Variants in KIF11 observed in about 807,000 individuals in gnomAD.
KIF11 encodes the protein kinesin-like protein KIF11.
A neutral mutation model predicts 121.0 loss-of-function variants in KIF11; 9 were observed. That is an observed-to-expected ratio of 0.07 (90% CI 0.04 to 0.13). KIF11 has a LOEUF of 0.13. Ranked by LOEUF, KIF11 falls within the 10% of genes least tolerant of loss-of-function variation. The pLI is 1.00. For synonymous variants in KIF11, 408 were observed against 421.0 expected (o/e 0.97, Z 0.38); for missense variants, 846 against 1,217.5 (o/e 0.69, Z 4.54).
In KIF11 at chr10:92,645,950, CTT is replaced by C. The variant is rs33915127; in HGVS notation, c.2547+326_2547+327del. 0.11 allele frequency among the ~76,000 whole-genome samples: 10,820 copies of C among 101,850 alleles called. 356 individuals carry two copies. Among genetic ancestry groups the C allele is most frequent in the South Asian group, 0.18 (545 of 2,962 alleles). The allele number at this position is 101,850 out of a possible 152,430, so 66.8% of individuals were successfully genotyped here. ...ATGTAATACCTTCCACTTATATATG[CTT>C]TTTTTTTTTTTTTTTTTGAGATGGA... On this transcript the variant is annotated intron_variant, in intron 18 of 21. Coordinates refer to ENST00000260731, the MANE Select transcript of KIF11 (RefSeq NM_004523.4).
intron 4 of KIF11, among the ~76,000 whole-genome samples, chr10:92,608,065 TCAAAAAAAAA>T (rs1041520113): frequency 2.4e-4 from 32 of 132,824 alleles, no homozygotes; most frequent in Non-Finnish European, 4.4e-4. Flanking sequence ...AGACTCTGTC[TCAAAAAAAAA>T]CAAAAAAACA....
At chr10:92,643,975 T>C (rs1450085738) in intron 17 of KIF11, among the ~76,000 whole-genome samples, 1 of 152,188 alleles carries the variant, frequency 6.6e-6, no homozygotes, top group Non-Finnish European at 1.5e-5. Flanking sequence ...TCTTCCTATA[T>C]GCTGAATCAA....
chr10:92,630,300 A>C lies in KIF11; in HGVS notation c.1430A>C (p.Lys477Thr). The change falls in exon 12 of 22, where the codon AAA becomes ACA. Residue 477 changes from lysine to threonine, a missense_variant. Lys to Thr is a moderately conservative substitution (Grantham distance 78, BLOSUM62 -1). Around this residue, in one of 5 missense-constraint regions of KIF11, gnomAD observed 95 missense variants for 109.3 expected, o/e 0.87. Transcript: ENST00000260731. ...HLQETKLQLV[K>T]EEYITSALES... ...CAAGAAACTAAATTACAACTTGTTAAAGAAGAATATATCACATCAGCTTTG... is the reference window on the plus strand; with the variant it reads ...CAAGAAACTAAATTACAACTTGTTACAGAAGAATATATCACATCAGCTTTG... 1 of 1,608,752 alleles carries C rather than the reference A, an allele frequency of 6.2e-7. No individual in the cohort carries two copies. Among genetic ancestry groups the C allele is most frequent in the Non-Finnish European group, 8.5e-7 (1 of 1,178,150 alleles).
At chr10:92,620,681 C>T (rs1844607222) in intron 9 of KIF11, among the ~76,000 whole-genome samples, 1 of 152,186 alleles carries the variant, frequency 6.6e-6, no homozygotes, top group African/African-American at 2.4e-5. Context: ...GGGGAGGCCT[C>T]ATAATCATGG....
chr10:92,621,605 T>C, intron 10 of KIF11, 132 bp downstream of exon 10: 2 of 586,262 alleles, frequency 3.4e-6, no homozygotes, highest in Middle Eastern at 6.9e-4. Flanking sequence ...TTTGTGTGTG[T>C]GTGTGTTTTC....
chr10:92,622,354 C>T (rs1844627974), intron 10 of KIF11, among the ~76,000 whole-genome samples: 1 of 152,140 alleles, frequency 6.6e-6, no homozygotes, highest in Admixed American at 6.5e-5. Flanking sequence ...GTGGCTCACG[C>T]CTGTAATCCC....
chr10:92,637,738 T>G (rs777160995), intron 16 of KIF11, among the ~76,000 whole-genome samples, 193 bp downstream of exon 16: 17 of 152,238 alleles, frequency 1.1e-4, no homozygotes, highest in Non-Finnish European at 1.9e-4. Flanking sequence ...TTTGAAGTTT[T>G]GCTACATCTA....
chr10:92,638,750 A>G (rs1844834697), intron 16 of KIF11, among the ~76,000 whole-genome samples: 1 of 152,254 alleles, frequency 6.6e-6, no homozygotes, highest in Non-Finnish European at 1.5e-5. Flanking sequence ...TAATACCTGC[A>G]TTAGCATTCA....
chr10:92,614,021 T>TACACACACACACACAC (rs71028831), intron 8 of KIF11, among the ~76,000 whole-genome samples: 6 of 127,056 alleles, frequency 4.7e-5, no homozygotes, highest in African/African-American at 1.6e-4. Context: ...AGTATGTGTA[T>TACACACACACACACAC]ACACACACAC....
Position 92,637,515 on chromosome 10 carries a change from C to A in KIF11, c.2130C>A (p.Asp710Glu), listed in dbSNP as rs778513629. ...SQKQCGNLTE[D>E]LKTIKQTHSQ... ...AGCAATGTGGAAACCTAACTGAAGA[C>A]CTGAAGACAATAAAGCAGACCCATT... The change falls in exon 16 of 22, where the codon GAC (aspartate) becomes GAA (glutamate). Residue 710 changes from aspartate (D) to glutamate (E), a missense_variant. Around this residue, in one of 5 missense-constraint regions of KIF11, gnomAD observed 492 missense variants for 603.4 expected, o/e 0.82. Coordinates refer to ENST00000260731, the MANE Select transcript of KIF11 (RefSeq NM_004523.4). The A allele has an allele frequency of 1.2e-6, 2 of 1,604,378 alleles. No homozygotes were observed. The highest frequency in any genetic ancestry group is 1.7e-4 in the Middle Eastern group (1 of 6,052).
intron 1 of KIF11, among the ~76,000 whole-genome samples, chr10:92,597,641 T>A: frequency 7.8e-6 from 1 of 128,444 alleles, no homozygotes; most frequent in East Asian, 2.2e-4. Context: ...CCCTTGGGTT[T>A]GTTTGTTTGT....
At position 92,621,369 on chromosome 10, in the gene KIF11, C is replaced by T; in HGVS notation, c.1129-16C>T. 1.3e-6 allele frequency: 2 copies of T among 1,525,818 alleles called. No homozygotes were observed. The highest frequency in any genetic ancestry group is 1.8e-6 in the Non-Finnish European group (2 of 1,105,086). The allele number at this position is 1,525,818 out of a possible 1,614,324, so 94.5% of individuals were successfully genotyped here. On this transcript the variant is annotated splice_polypyrimidine_tract_variant and intron_variant, in intron 9 of 21. Transcript: ENST00000260731. ...AAAAGTACTAAACTGACACCTACAA[C>T]ATTCCTCTTGTGTAGGAGTATACGG...
intron 11 of KIF11, 57 bp from the exon 12 acceptor site, chr10:92,630,119 T>G (rs549342868): frequency 1.1e-6 from 1 of 876,592 alleles, no homozygotes; most frequent in Admixed American, 3.5e-5. Flanking sequence ...TCTAATCTTA[T>G]GAACTAGCTA....
At position 92,633,631 on chromosome 10, in the gene KIF11, C is replaced by T. The variant is rs960937852; in HGVS notation, c.1711C>T (p.Leu571=). ...EVHKTLFGNL[L]SSSVSALDTI... is the part of the protein sequence containing the mutation. ...GTTTTTGTTTGTTATAGGTAATCTG[C>T]TGTCTTCCAGTGTCTCTGCATTAGA... The change falls in exon 14 of 22, where the codon CTG becomes TTG. Residue 571 remains leucine, a synonymous_variant. Coordinates refer to ENST00000260731, the MANE Select transcript of KIF11 (RefSeq NM_004523.4). The T allele has an allele frequency of 3.1e-6, 5 of 1,600,998 alleles. No individual in the cohort carries two copies. The African/African-American group carries it at 6.7e-5, about 21-fold the overall frequency.
At chr10:92,634,933 T>C (rs1844781414) in intron 14 of KIF11, among the ~76,000 whole-genome samples, 1 of 152,248 alleles carries the variant, frequency 6.6e-6, no homozygotes, top group Non-Finnish European at 1.5e-5. Flanking sequence ...TTCTTAGGGT[T>C]AGATCTGTGT....
intron 16 of KIF11, among the ~76,000 whole-genome samples, chr10:92,639,053 A>C (rs753029727): frequency 6.6e-6 from 1 of 152,212 alleles, no homozygotes; most frequent in Non-Finnish European, 1.5e-5. Flanking sequence ...TGATCCAACT[A>C]GGTTCTGTAA....
Position 92,645,346 on chromosome 10 carries a change from A to G in KIF11, c.2268-17A>G, listed in dbSNP as rs914426011. Reference sequence around the variant, plus strand: ...CTTAATTCCCCATTTCAACAGTGTCATTCTCTTTTCCTATAGGAAATCTAA... The same window carrying G: ...CTTAATTCCCCATTTCAACAGTGTCGTTCTCTTTTCCTATAGGAAATCTAA... On this transcript the variant is annotated splice_polypyrimidine_tract_variant and intron_variant, in intron 17 of 21. Coordinates refer to ENST00000260731, the MANE Select transcript of KIF11 (RefSeq NM_004523.4). The G allele has an allele frequency of 6.4e-7, 1 of 1,574,696 alleles. No individual in the cohort carries two copies. Among genetic ancestry groups the G allele is most frequent in the African/African-American group, 1.4e-5 (1 of 73,582 alleles).
intron 10 of KIF11, 55 bp downstream of exon 10, chr10:92,621,528 C>A (rs1844616804): frequency 1.9e-6 from 2 of 1,041,374 alleles, no homozygotes; most frequent in South Asian, 1.3e-5. Context: ...TGATAACAGG[C>A]TATTTGAAGT....
chr10:92,607,268 CT>C, intron 4 of KIF11, 31 bp downstream of exon 4: 1 of 1,311,530 alleles, frequency 7.6e-7, no homozygotes, highest in Non-Finnish European at 1.1e-6. Context: ...ACTTTTATCT[CT>C]AATGTGACTG....
Sources: gnomAD v4.1 joint callset for allele counts (sites outside exome capture counted in the v4.1 genomes callset) on GRCh38, gnomAD v4.1.1 for gene constraint, gnomAD v4.1.1 regional missense constraint, MANE v1.5 for transcripts, NCBI Gene and HGNC (gene_info 2026-07-23, HGNC 2026-07-21) for gene names.